MACROD2: variants seen among roughly 807,000 people sequenced by gnomAD.
The protein encoded by MACROD2 is ADP-ribose glycohydrolase MACROD2.
In MACROD2, 36 loss-of-function variants were observed where a neutral mutation model predicts 70.4. The ratio of observed to expected loss-of-function variants is 0.51; its 90% CI spans 0.39 to 0.68. MACROD2 has a LOEUF of 0.68. Ranked by LOEUF, MACROD2 falls within the 30% of genes least tolerant of loss-of-function variation. MACROD2 has a pLI of 0.00. For synonymous variants in MACROD2, 172 were observed against 178.8 expected (o/e 0.96, Z 0.30); for missense variants, 496 against 538.4 (o/e 0.92, Z 0.78).
intron 3 of MACROD2, among the ~76,000 whole-genome samples, chr20:14,211,053 A>G (rs1452997248): frequency 6.6e-6 from 1 of 152,204 alleles, no homozygotes; most frequent in Non-Finnish European, 1.5e-5. Context: ...GGTGTCAATC[A>G]TTGGTACATT....
chr20:15,847,119 C>T (rs1037687855), intron 8 of MACROD2, among the ~76,000 whole-genome samples: 2 of 152,032 alleles, frequency 1.3e-5, no homozygotes, highest in Non-Finnish European at 2.9e-5. Flanking sequence ...GTGGATCTTT[C>T]CAAATATTTT....
intron 5 of MACROD2, among the ~76,000 whole-genome samples, chr20:15,131,977 A>G (rs182033289): frequency 1.1e-4 from 17 of 152,178 alleles, no homozygotes; most frequent in Non-Finnish European, 2.1e-4. Context: ...TATATACTAT[A>G]TACAAGAAAT....
intron 4 of MACROD2, among the ~76,000 whole-genome samples, chr20:14,559,236 A>AT (rs1979263492): frequency 6.6e-6 from 1 of 151,778 alleles, no homozygotes; most frequent in Non-Finnish European, 1.5e-5. Context: ...AAGTACAAAA[A>AT]TTGTGTTCTT....
chr20:14,201,954 G>T (rs1265512590), intron 3 of MACROD2, among the ~76,000 whole-genome samples: 1 of 151,656 alleles, frequency 6.6e-6, no homozygotes, highest in Non-Finnish European at 1.5e-5. Context: ...CTAATAATAT[G>T]TAATTTAATA....
At chr20:14,840,033 C>CTTTTTTTT (rs71190154) in intron 5 of MACROD2, among the ~76,000 whole-genome samples, 5 of 142,490 alleles carry the variant, frequency 3.5e-5, no homozygotes, top group African/African-American at 5.2e-5. Flanking sequence ...GTCTCCATGT[C>CTTTTTTTT]TTTTTTTTTT....
At chr20:14,196,115 G>T (rs1369972535) in intron 3 of MACROD2, among the ~76,000 whole-genome samples, 1 of 152,124 alleles carries the variant, frequency 6.6e-6, no homozygotes, top group Non-Finnish European at 1.5e-5. Context: ...GAGCAGTGGG[G>T]CACTGAAGAA....
chr20:14,520,859 A>G (rs2085159947), intron 4 of MACROD2, among the ~76,000 whole-genome samples: 1 of 151,998 alleles, frequency 6.6e-6, no homozygotes, highest in Admixed American at 6.6e-5. Context: ...CCTCCCTGAG[A>G]AGCTTCTTTC....
intron 3 of MACROD2, among the ~76,000 whole-genome samples, chr20:14,490,957 A>T (rs368247702): frequency 6.6e-6 from 1 of 152,188 alleles, no homozygotes; most frequent in South Asian, 2.1e-4. Context: ...TATTAGATGC[A>T]GGCCAAACCA....
At chr20:14,334,254 T>C (rs1316875670) in intron 3 of MACROD2, among the ~76,000 whole-genome samples, 1 of 152,216 alleles carries the variant, frequency 6.6e-6, no homozygotes, top group African/African-American at 2.4e-5. Flanking sequence ...GTGTGATGTT[T>C]AACCAAATTG....
chr20:16,021,377 A>G (rs2066999122), intron 15 of MACROD2, among the ~76,000 whole-genome samples: 1 of 152,190 alleles, frequency 6.6e-6, no homozygotes, highest in Non-Finnish European at 1.5e-5. Flanking sequence ...TTAGGAGAGC[A>G]CAGGGCTCAC....
At chr20:15,112,950 C>CTGTGTGTGTGTGTGTGTGTGTGTGTGTG (rs11467446) in intron 5 of MACROD2, among the ~76,000 whole-genome samples, 6 of 146,002 alleles carry the variant, frequency 4.1e-5, no homozygotes, top group African/African-American at 7.5e-5. Context: ...TAATATTTCA[C>CTGTGTGTGTGTGTGTGTGTGTGTGTGTG]TGTGTGTGTG....
At chr20:15,194,574 T>C (rs988672865) in intron 5 of MACROD2, among the ~76,000 whole-genome samples, 1 of 152,120 alleles carries the variant, frequency 6.6e-6, no homozygotes, top group African/African-American at 2.4e-5. Flanking sequence ...ACATCAATAA[T>C]ATGTATATAT....
intron 7 of MACROD2, among the ~76,000 whole-genome samples, chr20:15,497,557 T>TTC (rs1439946455): frequency 2.6e-5 from 4 of 152,188 alleles, no homozygotes; most frequent in Admixed American, 1.3e-4. Flanking sequence ...TTCAAAGTGC[T>TTC]GGAGTTACAG....
intron 5 of MACROD2, among the ~76,000 whole-genome samples, chr20:14,755,060 TC>T (rs2071922631): frequency 6.6e-6 from 1 of 152,102 alleles, no homozygotes; most frequent in Admixed American, 6.5e-5. Context: ...AAGCACAGGT[TC>T]TTCCTTGGTG....
At chr20:16,026,339 G>A (rs2067080531) in intron 15 of MACROD2, among the ~76,000 whole-genome samples, 2 of 152,212 alleles carry the variant, frequency 1.3e-5, no homozygotes, top group African/African-American at 4.8e-5. Flanking sequence ...AGATGGTGCA[G>A]ATCATAGTGA....
At chr20:16,008,495 G>C (rs181146039) in intron 15 of MACROD2, among the ~76,000 whole-genome samples, 2 of 152,334 alleles carry the variant, frequency 1.3e-5, no homozygotes, top group African/African-American at 4.8e-5. Flanking sequence ...TATCCTGGCA[G>C]TGAGGCTAAC....
chr20:14,327,204 G>A (rs1428554269), intron 3 of MACROD2: 1 of 1,613,594 alleles, frequency 6.2e-7, no homozygotes, highest in Middle Eastern at 1.7e-4. Context: ...ACTTTGGGAG[G>A]TTGGTAGGAA....
At chr20:15,961,558 T>G (rs1462250659) in intron 12 of MACROD2, among the ~76,000 whole-genome samples, 1 of 152,178 alleles carries the variant, frequency 6.6e-6, no homozygotes, top group African/African-American at 2.4e-5. Context: ...CCTCAACTTC[T>G]CCGTAAAATA....
At chr20:14,723,171 CTG>C (rs1275477909) in intron 5 of MACROD2, among the ~76,000 whole-genome samples, 1 of 152,112 alleles carries the variant, frequency 6.6e-6, no homozygotes, top group Non-Finnish European at 1.5e-5. Context: ...GGTGTAGTGA[CTG>C]TGTGGTAAGA....
Sources: gnomAD v4.1 joint callset for allele counts (sites outside exome capture counted in the v4.1 genomes callset) on GRCh38, gnomAD v4.1.1 for gene constraint, MANE v1.5 for transcripts, NCBI Gene and HGNC (gene_info 2026-07-23, HGNC 2026-07-21) for gene names.